CNTN4: variants seen among roughly 807,000 people sequenced by gnomAD.
The protein encoded by CNTN4 is contactin-4.
Under a neutral mutation model 122.5 loss-of-function variants are expected in CNTN4, and 77 were observed. The ratio of observed to expected loss-of-function variants is 0.63; its 90% confidence interval spans 0.52 to 0.76. The LOEUF (loss-of-function observed/expected upper bound fraction) is 0.76. Ranked by LOEUF, CNTN4 falls within the 30% of genes least tolerant of loss-of-function variation. The pLI, the probability that CNTN4 is intolerant of heterozygous loss-of-function variation, is 0.00. For missense variants in CNTN4, 1,256 were observed against 1,259.1 expected (o/e 1.00, Z 0.04); for synonymous variants, 512 against 447.0 (o/e 1.15, Z -1.83).
At chr3:2,720,380 A>AT (rs142488520) in intron 4 of CNTN4, among the ~76,000 whole-genome samples, 1 of 152,150 alleles carries the variant, frequency 6.6e-6, no homozygotes, top group East Asian at 1.9e-4. Context: ...AGTCTAAACT[A>AT]TTCTGAGCCT....
chr3:2,390,196 A>C (rs149785706), intron 3 of CNTN4, among the ~76,000 whole-genome samples: 23 of 148,094 alleles, frequency 1.6e-4, no homozygotes, highest in African/African-American at 5.8e-4. Flanking sequence ...ACTTACTGTC[A>C]ATGGGTTTAG....
chr3:2,609,030 T>G (rs1051159669), intron 4 of CNTN4, among the ~76,000 whole-genome samples: 1 of 152,198 alleles, frequency 6.6e-6, no homozygotes, highest in Non-Finnish European at 1.5e-5. Flanking sequence ...CCTCATACTT[T>G]AGACAAGTCA....
intron 3 of CNTN4, among the ~76,000 whole-genome samples, chr3:2,387,571 G>T (rs1253988359): frequency 5.9e-5 from 9 of 152,072 alleles, no homozygotes; most frequent in African/African-American, 1.9e-4. Context: ...ATACATAGAA[G>T]AATATTTAAT....
chr3:2,425,245 G>A (rs1236941238), intron 3 of CNTN4, among the ~76,000 whole-genome samples: 1 of 152,100 alleles, frequency 6.6e-6, no homozygotes, highest in Non-Finnish European at 1.5e-5. Context: ...ATTAATTTTT[G>A]TATAAGGTGT....
At chr3:3,010,773 A>G (rs1559785874) in intron 14 of CNTN4, among the ~76,000 whole-genome samples, 1 of 152,176 alleles carries the variant, frequency 6.6e-6, no homozygotes, top group Non-Finnish European at 1.5e-5. Context: ...AGCTTTTAGT[A>G]TGGTTAGTTC....
chr3:2,418,410 AG>A (rs2047495995), intron 3 of CNTN4, among the ~76,000 whole-genome samples: 3 of 152,186 alleles, frequency 2.0e-5, no homozygotes, highest in Admixed American at 1.3e-4. Flanking sequence ...ACTAAGACAT[AG>A]GGTTCAAAAC....
intron 13 of CNTN4, among the ~76,000 whole-genome samples, chr3:2,975,994 A>G (rs1861164): frequency 0.088 from 13,469 of 152,288 alleles, 706 homozygotes; most frequent in Non-Finnish European, 0.12. Flanking sequence ...TCTTGCATCA[A>G]TGAAATATAG....
At chr3:2,391,764 C>G (rs539928450) in intron 3 of CNTN4, among the ~76,000 whole-genome samples, 1 of 152,148 alleles carries the variant, frequency 6.6e-6, no homozygotes, top group East Asian at 1.9e-4. Flanking sequence ...CTCCCATAAA[C>G]TTTTGAGAAT....
intron 2 of CNTN4, among the ~76,000 whole-genome samples, chr3:2,273,078 T>C (rs1312369606): frequency 1.3e-5 from 2 of 152,200 alleles, no homozygotes; most frequent in African/African-American, 4.8e-5. Flanking sequence ...TGTGGTCAAA[T>C]GTTTCTGCCA....
In CNTN4 at chr3:3,040,172, G is replaced by T. The variant is rs200039799; in HGVS notation, c.2299G>T (p.Val767Leu). The T allele has an allele frequency of 2.5e-6, 4 of 1,614,020 alleles. No individual in the cohort carries two copies. Among genetic ancestry groups the T allele is most frequent in the African/African-American group, 2.7e-5 (2 of 74,932 alleles). The change falls in exon 20 of 25, where the codon GTG becomes TTG. Residue 767 changes from valine (V) to leucine (L), a missense_variant. Physicochemically the swap from Val to Leu is conservative, Grantham distance 32. Transcript: ENST00000418658. ...TAGATACGTGTTCAGGAATGAGAGC[G>T]TGCACCCCTTCTCTCCCTTTGAGGT... The part of the protein sequence containing the change: ...ASRYVFRNES[V>L]HPFSPFEVKV...
At chr3:2,459,809 A>T (rs1314107679) in intron 3 of CNTN4, among the ~76,000 whole-genome samples, 1 of 152,214 alleles carries the variant, frequency 6.6e-6, no homozygotes, top group African/African-American at 2.4e-5. Context: ...AACCAGTGAT[A>T]TAAGAGGATG....
At chr3:2,977,615 G>A (rs1310323413) in intron 13 of CNTN4, among the ~76,000 whole-genome samples, 1 of 152,070 alleles carries the variant, frequency 6.6e-6, no homozygotes, top group East Asian at 1.9e-4. Context: ...GGGCATGGGA[G>A]GTGGTGCCAG....
At chr3:2,144,431 A>T (rs775234678) in intron 2 of CNTN4, among the ~76,000 whole-genome samples, 1 of 152,194 alleles carries the variant, frequency 6.6e-6, no homozygotes, top group Non-Finnish European at 1.5e-5. Flanking sequence ...ATTTTCATAG[A>T]GTTTCTAAAA....
rs564806110 is a variant in CNTN4 at position 3,023,436 on chromosome 3, C to G, written c.1487-2666C>G. ...AGCTAAGTTTACCAATAATAAAAAT[C>G]TGTCCCAGATCCCTACATGTGCATA... On this transcript the variant is annotated intron_variant, in intron 14 of 24. Transcript: ENST00000418658. Among the ~76,000 whole-genome samples the G allele has an allele frequency of 2.6e-5, 4 of 152,300 alleles. No individual in the cohort carries two copies. The South Asian group carries it at 6.2e-4, about 24-fold the overall frequency.
At chr3:2,749,576 A>G (rs1576653896) in intron 6 of CNTN4, among the ~76,000 whole-genome samples, 1 of 152,286 alleles carries the variant, frequency 6.6e-6, no homozygotes, top group East Asian at 1.9e-4. Context: ...TATCTTGTCC[A>G]TCCTTTTATT....
intron 2 of CNTN4, among the ~76,000 whole-genome samples, chr3:2,286,535 G>T (rs145646325): frequency 6.6e-6 from 1 of 151,888 alleles, no homozygotes; most frequent in Non-Finnish European, 1.5e-5. Flanking sequence ...TAGGACCACT[G>T]TTTCTAAATA....
chr3:2,777,940 T>C (rs894372387), intron 6 of CNTN4, among the ~76,000 whole-genome samples: 50 of 152,134 alleles, frequency 3.3e-4, no homozygotes, highest in Middle Eastern at 3.4e-3. Context: ...AACTGCTGGG[T>C]GCGGTGGCTC....
At chr3:2,293,163 T>G (rs2042193877) in intron 2 of CNTN4, among the ~76,000 whole-genome samples, 1 of 152,246 alleles carries the variant, frequency 6.6e-6, no homozygotes, top group Non-Finnish European at 1.5e-5. Flanking sequence ...TACCTAATTT[T>G]AAGAGAAGTA....
At position 3,014,887 on chromosome 3, in the gene CNTN4, T is replaced by G. The variant is rs866753202; in HGVS notation, c.1487-11215T>G. ...TGCGTGACCCTCGATTGGTTTTTTT[T>G]TTTTTTTTTTCTCTTTGGGTCAGCA... On this transcript the variant is annotated intron_variant, in intron 14 of 24. Transcript: ENST00000418658. Among the ~76,000 whole-genome samples the G allele has an allele frequency of 4.4e-3, 666 of 150,994 alleles. 8 individuals are homozygous for G. Among genetic ancestry groups the G allele is most frequent in the Non-Finnish European group, 6.2e-3 (420 of 67,740 alleles).
Sources: allele counts gnomAD v4.1 joint callset (sites outside exome capture counted in the v4.1 genomes callset), GRCh38; gene constraint gnomAD v4.1.1; transcripts MANE v1.5; gene names NCBI Gene and HGNC (gene_info 2026-07-23, HGNC 2026-07-21).